ARMH4: variants seen among roughly 807,000 people sequenced by gnomAD.
ARMH4 encodes armadillo-like helical domain-containing protein 4.
In ARMH4, 49 loss-of-function variants were observed where a neutral mutation model predicts 61.9. The observed-to-expected ratio is 0.79, with a 90% confidence interval of 0.63 to 1.00. The LOEUF (loss-of-function observed/expected upper bound fraction) is 1.00, where lower values mean the gene tolerates loss of function less well. ARMH4 is among the 50% of genes least tolerant of loss of function. ARMH4 has a pLI of 0.00. For missense variants in ARMH4, 934 were observed against 930.0 expected, an observed-to-expected ratio of 1.00 and a Z score of -0.06; for synonymous variants, 368 against 341.5, an observed-to-expected ratio of 1.08 and a Z score of -0.85.
At chr14:58,127,678 C>T (rs896095698) in intron 4 of ARMH4, among the ~76,000 whole-genome samples, 1 of 152,112 alleles carries the variant, frequency 6.6e-6, no homozygotes, top group East Asian at 1.9e-4. Flanking sequence ...ATGAGGAACA[C>T]TGGAATTGCT....
chr14:58,116,530 G>T (rs1276326971), intron 4 of ARMH4: 1 of 238,186 alleles, frequency 4.2e-6, no homozygotes. Context: ...ACAAAAGTTG[G>T]CTGGGTGGGG....
At chr14:58,075,953 A>G (rs1395640538) in intron 5 of ARMH4, among the ~76,000 whole-genome samples, 1 of 152,134 alleles carries the variant, frequency 6.6e-6, no homozygotes, top group African/African-American at 2.4e-5. Flanking sequence ...TTACCATTAT[A>G]ACCAATACCT....
At chr14:58,084,810 T>C (rs1885330649) in intron 5 of ARMH4, among the ~76,000 whole-genome samples, 1 of 152,216 alleles carries the variant, frequency 6.6e-6, no homozygotes, top group Non-Finnish European at 1.5e-5. Context: ...GGACCTGTTG[T>C]TGACCATATA....
chr14:58,042,071 G>T (rs1883733172), intron 5 of ARMH4, among the ~76,000 whole-genome samples: 1 of 151,722 alleles, frequency 6.6e-6, no homozygotes, highest in African/African-American at 2.4e-5. Context: ...TCCAGGAATT[G>T]AACTCAGCTC....
At chr14:58,042,391 T>A (rs1594715673) in intron 5 of ARMH4, among the ~76,000 whole-genome samples, 1 of 152,152 alleles carries the variant, frequency 6.6e-6, no homozygotes, top group Non-Finnish European at 1.5e-5. Context: ...AAGATGTTCT[T>A]TAAAACCAAT....
At chr14:58,073,742 G>C (rs531460744) in intron 5 of ARMH4, among the ~76,000 whole-genome samples, 1 of 152,316 alleles carries the variant, frequency 6.6e-6, no homozygotes, top group East Asian at 1.9e-4. Flanking sequence ...AGAGACGTGA[G>C]AAATCAAGGA....
chr14:58,008,115 T>C (rs1381229194), intron 6 of ARMH4, among the ~76,000 whole-genome samples: 1 of 152,210 alleles, frequency 6.6e-6, no homozygotes, highest in African/African-American at 2.4e-5. Context: ...AAAAGTATTA[T>C]ATCGATATTG....
chr14:58,013,976 G>A (rs1228306850), intron 5 of ARMH4, among the ~76,000 whole-genome samples: 1 of 151,774 alleles, frequency 6.6e-6, no homozygotes, highest in African/African-American at 2.4e-5. Flanking sequence ...GTGAGCCAAG[G>A]GCACACCACT....
chr14:58,090,843 G>C (rs1885532404), intron 5 of ARMH4, among the ~76,000 whole-genome samples: 1 of 144,400 alleles, frequency 6.9e-6, no homozygotes. Context: ...TCACACCACT[G>C]CACTCCACCC....
chr14:58,023,602 C>A (rs1370408225), intron 5 of ARMH4, among the ~76,000 whole-genome samples: 1 of 152,216 alleles, frequency 6.6e-6, no homozygotes, highest in African/African-American at 2.4e-5. Context: ...AGCTTGTCCT[C>A]TTCCCATGAA....
chr14:58,147,417 C>T (rs1018015606), intron 1 of ARMH4, among the ~76,000 whole-genome samples: 1 of 151,536 alleles, frequency 6.6e-6, no homozygotes, highest in Non-Finnish European at 1.5e-5. Flanking sequence ...CAGGTTCAAG[C>T]GATTATCCTG....
At chr14:58,119,105 C>T (rs2087691340) in intron 4 of ARMH4, among the ~76,000 whole-genome samples, 1 of 152,164 alleles carries the variant, frequency 6.6e-6, no homozygotes, top group South Asian at 2.1e-4. Context: ...TAAATGAGGG[C>T]AAAATCAATG....
intron 4 of ARMH4, among the ~76,000 whole-genome samples, chr14:58,130,289 G>T (rs1384142059): frequency 6.6e-6 from 1 of 152,142 alleles, no homozygotes; most frequent in Non-Finnish European, 1.5e-5. Flanking sequence ...TTCTACTGTG[G>T]AATTCTCCAC....
intron 5 of ARMH4, among the ~76,000 whole-genome samples, chr14:58,019,371 C>T (rs1882729609): frequency 1.3e-5 from 2 of 151,984 alleles, no homozygotes; most frequent in Non-Finnish European, 2.9e-5. Context: ...TTTCAATAGT[C>T]ATGTTGATAA....
In ARMH4 at chr14:58,068,297, A is replaced by C. The variant is rs193023537; in HGVS notation, c.2089+28427T>G. On this transcript the variant is annotated intron_variant, in intron 5 of 7. Transcript: ENST00000267485. ...ATGTTTCTGCACTAAAGGAAGCATT[A>C]ATATTCCCACCTTAAGCTTTATATA... Among the ~76,000 whole-genome samples, 580 of 152,186 alleles carry C rather than the reference A, an allele frequency of 3.8e-3. 7 individuals are homozygous for C. Among genetic ancestry groups the C allele is most frequent in the African/African-American group, 0.013 (554 of 41,526 alleles).
intron 4 of ARMH4, among the ~76,000 whole-genome samples, chr14:58,103,032 C>T (rs1886053111): frequency 6.6e-6 from 1 of 151,728 alleles, no homozygotes; most frequent in South Asian, 2.1e-4. Flanking sequence ...ACACGGGAGG[C>T]TGACGCATGA....
At chr14:58,080,078 T>C (rs1885169931) in intron 5 of ARMH4, among the ~76,000 whole-genome samples, 1 of 151,774 alleles carries the variant, frequency 6.6e-6, no homozygotes, top group Non-Finnish European at 1.5e-5. Context: ...GACAAGGAGA[T>C]GAGGTGCCTT....
At chr14:58,056,269 T>C (rs1884345877) in intron 5 of ARMH4, among the ~76,000 whole-genome samples, 1 of 152,190 alleles carries the variant, frequency 6.6e-6, no homozygotes, top group Admixed American at 6.5e-5. Flanking sequence ...AGAAAATCAT[T>C]CTGCAGTACT....
chr14:58,133,006 G>A (rs536638825), intron 3 of ARMH4, 84 bp downstream of exon 3: 136 of 1,493,452 alleles, frequency 9.1e-5, no homozygotes, highest in Middle Eastern at 7.0e-4. Context: ...TGGCAATGTC[G>A]GCTGCCTCAC....
Sources: gnomAD v4.1 joint callset for allele counts (sites outside exome capture counted in the v4.1 genomes callset) on GRCh38, gnomAD v4.1.1 for gene constraint, MANE v1.5 for transcripts, NCBI Gene and HGNC (gene_info 2026-07-23, HGNC 2026-07-21) for gene names.